The following SH3RF3 variants were observed in gnomAD, a reference collection of about 807,000 sequenced individuals.
The protein encoded by SH3RF3 is SH3 domain containing ring finger 3, also known as E3 ubiquitin-protein ligase SH3RF3.
A neutral mutation model predicts 66.3 loss-of-function variants in SH3RF3; 29 were observed. The observed-to-expected ratio is 0.44, with a 90% CI of 0.33 to 0.60. The LOEUF (loss-of-function observed/expected upper bound fraction) is 0.60. Among genes scored for constraint, SH3RF3 ranks in the 20% least tolerant of loss-of-function variants. The pLI is 0.04. For synonymous variants in SH3RF3, 583 were observed against 532.0 expected, an observed-to-expected ratio of 1.10 and a Z score of -1.32; for missense variants, 1,194 against 1,190.9, an observed-to-expected ratio of 1.00 and a Z score of -0.04.
Position 109,266,270 on chromosome 2 carries a change from GTGT to G in SH3RF3, c.574-81402_574-81400del, listed in dbSNP as rs1218417458. Among the ~76,000 whole-genome samples the G allele has an allele frequency of 2.0e-5, 3 of 151,728 alleles. No homozygotes were observed. The East Asian group carries it at 5.8e-4, about 29-fold the overall frequency. ...TGTGCTGTGTGTGTTGTGCGTGCATGTGTTATTTGCATGTTTGTGTTGTGTGTA... is the reference window on the plus strand; with the variant it reads ...TGTGCTGTGTGTGTTGTGCGTGCATGTATTTGCATGTTTGTGTTGTGTGTA... On this transcript the variant is annotated intron_variant, in intron 1 of 9. Transcript: ENST00000309415.
intron 3 of SH3RF3, among the ~76,000 whole-genome samples, chr2:109,374,733 A>G (rs1441488416): frequency 6.6e-6 from 1 of 152,226 alleles, no homozygotes; most frequent in Non-Finnish European, 1.5e-5. Context: ...GGTCTCCTCC[A>G]CAGCCGCTCC....
At chr2:109,315,844 C>A (rs1411310117) in intron 1 of SH3RF3, among the ~76,000 whole-genome samples, 1 of 152,196 alleles carries the variant, frequency 6.6e-6, no homozygotes, top group African/African-American at 2.4e-5. Context: ...TTTGATCTTA[C>A]CTGTCAGGAC....
At chr2:109,195,002 A>G (rs1678461212) in intron 1 of SH3RF3, among the ~76,000 whole-genome samples, 1 of 152,172 alleles carries the variant, frequency 6.6e-6, no homozygotes. Flanking sequence ...TTGAGAACAC[A>G]CAGCTTTTTA....
At chr2:109,216,533 G>A (rs1293562127) in intron 1 of SH3RF3, among the ~76,000 whole-genome samples, 1 of 152,212 alleles carries the variant, frequency 6.6e-6, no homozygotes, top group Non-Finnish European at 1.5e-5. Context: ...CCTTGCTTCT[G>A]TGATACAGAA....
At position 109,395,165 on chromosome 2, in the gene SH3RF3, C is replaced by G. The variant is rs541425687; in HGVS notation, c.946-3425C>G. Among the ~76,000 whole-genome samples the G allele has an allele frequency of 2.6e-5, 4 of 152,368 alleles. No individual in the cohort carries two copies. In the East Asian group the frequency reaches 7.7e-4, roughly 29 times the overall value. Reference sequence around the variant, plus strand: ...CTGGGACTCCGCAGGCAGGCCAGTGCGTGCGCTACTCGCATGCCTGTGTGA... The same window carrying G: ...CTGGGACTCCGCAGGCAGGCCAGTGGGTGCGCTACTCGCATGCCTGTGTGA... On this transcript the variant is annotated intron_variant, in intron 3 of 9. Coordinates refer to ENST00000309415, the MANE Select transcript of SH3RF3 (RefSeq NM_001099289.3).
chr2:109,248,770 T>G (rs916747102), intron 1 of SH3RF3, among the ~76,000 whole-genome samples: 1 of 151,176 alleles, frequency 6.6e-6, no homozygotes, highest in Non-Finnish European at 1.5e-5. Context: ...CTCTCTCTCT[T>G]TCTCTTCTTT....
At chr2:109,148,063 G>A (rs184745979) in intron 1 of SH3RF3, among the ~76,000 whole-genome samples, 147 of 152,256 alleles carry the variant, frequency 9.7e-4, no homozygotes, top group African/African-American at 3.4e-3. Context: ...TGTGGAATTC[G>A]AGTTCAGGGA....
At chr2:109,348,399 CTG>C (rs1682764479) in intron 2 of SH3RF3, among the ~76,000 whole-genome samples, 3 of 152,240 alleles carry the variant, frequency 2.0e-5, no homozygotes, top group Admixed American at 1.3e-4. Context: ...GGTCTCACAT[CTG>C]TGCATCACAG....
intron 4 of SH3RF3, among the ~76,000 whole-genome samples, chr2:109,414,978 G>T (rs1360535032): frequency 6.6e-6 from 1 of 152,200 alleles, no homozygotes; most frequent in Non-Finnish European, 1.5e-5. Context: ...TGGATCACCT[G>T]GGCCACCGCA....
chr2:109,240,099 G>C (rs1384492211), intron 1 of SH3RF3, among the ~76,000 whole-genome samples: 2 of 152,184 alleles, frequency 1.3e-5, no homozygotes, highest in Non-Finnish European at 2.9e-5. Flanking sequence ...GTATTGCATA[G>C]TGGGTGAACC....
chr2:109,204,724 T>C (rs1678769017), intron 1 of SH3RF3, among the ~76,000 whole-genome samples: 1 of 152,216 alleles, frequency 6.6e-6, no homozygotes, highest in South Asian at 2.1e-4. Context: ...TTTGAAGGTA[T>C]TGACCCTTTG....
In SH3RF3 at chr2:109,409,642, G is replaced by A. The variant is rs145824947; in HGVS notation, c.1300-9897G>A. Among the ~76,000 whole-genome samples, 177 of 152,244 alleles carry A rather than the reference G, an allele frequency of 1.2e-3. No individual in the cohort carries two copies. In the Middle Eastern group the frequency reaches 0.017, roughly 15 times the overall value. On this transcript the variant is annotated intron_variant, in intron 4 of 9. Coordinates refer to ENST00000309415, the MANE Select transcript of SH3RF3 (RefSeq NM_001099289.3). The stretch of plus-strand genomic sequence containing the variant: ...AGTTATGTGGGCAGAAGGCGTGGCT[G>A]CTGCCTCTCCCAGGACAGACTCCCT...
chr2:109,252,567 T>A lies in SH3RF3; in HGVS notation c.574-95107T>A, dbSNP rs149185764. ...AAAACCAGGGATATTTCAGGCAAAC[T>A]AGAATGACAGAATGAGTTAAGATGG... is the stretch of plus-strand genomic sequence containing the variant. On this transcript the variant is annotated intron_variant, in intron 1 of 9. Coordinates refer to ENST00000309415, the MANE Select transcript of SH3RF3 (RefSeq NM_001099289.3). Among the ~76,000 whole-genome samples, 74 of 152,304 alleles carry A rather than the reference T, an allele frequency of 4.9e-4. 1 individual carries two copies. The East Asian group carries it at 9.5e-3, about 19-fold the overall frequency.
intron 4 of SH3RF3, among the ~76,000 whole-genome samples, chr2:109,402,834 C>T (rs546506319): frequency 2.0e-5 from 3 of 152,278 alleles, no homozygotes; most frequent in African/African-American, 7.2e-5. Context: ...AGCATGGTAT[C>T]GTCCCTGGTA....
chr2:109,245,739 C>A (rs1454814766), intron 1 of SH3RF3, among the ~76,000 whole-genome samples: 1 of 152,180 alleles, frequency 6.6e-6, no homozygotes, highest in Non-Finnish European at 1.5e-5. Context: ...GAAATTCATT[C>A]TAAGTCATCA....
chr2:109,172,994 C>T lies in SH3RF3; in HGVS notation c.573+42881C>T, dbSNP rs77478697. ...ATGTATGACCTTGCGCTTGTCTTCA[C>T]GCAGATGTCAGTAAGACTTCCAAAG... is the stretch of plus-strand genomic sequence containing the variant. On this transcript the variant is annotated intron_variant, in intron 1 of 9. Transcript: ENST00000309415. Among the ~76,000 whole-genome samples the T allele has an allele frequency of 8.1e-3, 1,229 of 152,350 alleles. 12 individuals carry two copies. Among genetic ancestry groups the T allele is most frequent in the East Asian group, 0.04 (208 of 5,186 alleles).
At chr2:109,260,292 A>G (rs768768704) in intron 1 of SH3RF3, among the ~76,000 whole-genome samples, 1 of 152,166 alleles carries the variant, frequency 6.6e-6, no homozygotes, top group Non-Finnish European at 1.5e-5. Context: ...ATGCACAGTC[A>G]CTGCTGATCC....
chr2:109,316,338 A>G (rs1681880678), intron 1 of SH3RF3, among the ~76,000 whole-genome samples: 1 of 152,082 alleles, frequency 6.6e-6, no homozygotes, highest in African/African-American at 2.4e-5. Flanking sequence ...TTGCCAGGTG[A>G]TGGTGGCTGG....
chr2:109,383,198 C>T (rs897106966), intron 3 of SH3RF3, among the ~76,000 whole-genome samples: 4 of 152,318 alleles, frequency 2.6e-5, no homozygotes, highest in Admixed American at 1.3e-4. Flanking sequence ...GCACTGGGTG[C>T]CTGTAGGATG....
Sources: allele counts gnomAD v4.1 joint callset (sites outside exome capture counted in the v4.1 genomes callset), GRCh38; gene constraint gnomAD v4.1.1; transcripts MANE v1.5; gene names NCBI Gene and HGNC (gene_info 2026-07-23, HGNC 2026-07-21).